The following ATP2C1 variants were observed in gnomAD, a reference collection of about 807,000 sequenced individuals.
ATP2C1 encodes the protein calcium-transporting ATPase type 2C member 1.
Under a neutral mutation model 120.5 loss-of-function variants are expected in ATP2C1, and 31 were observed. That is an observed-to-expected ratio of 0.26 (90% CI 0.19 to 0.35). The LOEUF is 0.35. ATP2C1 is among the 10% of genes least tolerant of loss of function. The pLI is 1.00. For synonymous variants in ATP2C1, 351 were observed against 358.7 expected (o/e 0.98, Z 0.24); for missense variants, 731 against 1,107.5 (o/e 0.66, Z 4.83).
At chr3:130,981,165 TCC>T (rs1576979047) in intron 20 of ATP2C1, among the ~76,000 whole-genome samples, 1 of 152,082 alleles carries the variant, frequency 6.6e-6, no homozygotes, top group Admixed American at 6.6e-5. Context: ...AGTTCCATCA[TCC>T]CCCCAGATTA....
chr3:130,903,691 TC>T (rs1343417851), intron 2 of ATP2C1, among the ~76,000 whole-genome samples: 1 of 113,782 alleles, frequency 8.8e-6, no homozygotes, highest in Non-Finnish European at 1.9e-5. Context: ...CTTTCCCATT[TC>T]CCCTTTCCCC....
rs139387409 is a variant in ATP2C1, at chr3:130,977,146, A to G, written c.1570+1658A>G. ...AGGGAGGCCTTGCTGCCACAAAATTAGGGTTTGGATTGATAAAGCCTGTGT... is the reference window on the plus strand; with the variant it reads ...AGGGAGGCCTTGCTGCCACAAAATTGGGGTTTGGATTGATAAAGCCTGTGT... On this transcript the variant is annotated intron_variant, in intron 18 of 27. Coordinates refer to ENST00000510168, the MANE Select transcript of ATP2C1 (RefSeq NM_001378687.1). Among the ~76,000 whole-genome samples the G allele has an allele frequency of 7.1e-3, 1,079 of 152,236 alleles. 18 individuals carry two copies. The highest frequency in any genetic ancestry group is 0.024 in the African/African-American group (987 of 41,540).
In ATP2C1 at chr3:130,941,584, G is replaced by C. The variant is rs779702947; in HGVS notation, c.423-7G>C. ...TTAACCATGGTTGTTTCTATTTCGTGTTACAGTGTGCGTGAAGGAAAATTG... is the reference window on the plus strand; with the variant it reads ...TTAACCATGGTTGTTTCTATTTCGTCTTACAGTGTGCGTGAAGGAAAATTG... On this transcript the variant is annotated splice_region_variant and splice_polypyrimidine_tract_variant and intron_variant, in intron 7 of 27. Coordinates refer to ENST00000510168, the MANE Select transcript of ATP2C1 (RefSeq NM_001378687.1). The C allele has an allele frequency of 2.5e-6, 4 of 1,607,444 alleles. No individual in the cohort carries two copies. The South Asian group carries it at 4.4e-5, about 18-fold the overall frequency.
chr3:130,917,047 A>G, intron 2 of ATP2C1, among the ~76,000 whole-genome samples: 1 of 152,348 alleles, frequency 6.6e-6, no homozygotes, highest in South Asian at 2.1e-4. Flanking sequence ...AAAGCAGTAG[A>G]CATTCAGTAG....
chr3:130,984,865 T>A (rs1576991923), intron 20 of ATP2C1, among the ~76,000 whole-genome samples: 2 of 152,324 alleles, frequency 1.3e-5, no homozygotes, highest in East Asian at 3.9e-4. Flanking sequence ...ATAAATAACC[T>A]ACATAGTTTT....
At chr3:130,956,943 A>G (rs73869012) in intron 11 of ATP2C1, among the ~76,000 whole-genome samples, 4,666 of 152,080 alleles carry the variant, frequency 0.031, 227 homozygotes, top group African/African-American at 0.1. Flanking sequence ...TAGATTATCA[A>G]TCTTTTTGTT....
intron 22 of ATP2C1, among the ~76,000 whole-genome samples, chr3:130,995,325 G>T (rs2062560774): frequency 6.6e-6 from 1 of 151,890 alleles, no homozygotes; most frequent in African/African-American, 2.4e-5. Context: ...TGAGCTGGAG[G>T]ATTGCTTGAG....
intron 1 of ATP2C1, among the ~76,000 whole-genome samples, chr3:130,875,078 G>A (rs191500625): frequency 1.3e-5 from 2 of 152,190 alleles, no homozygotes; most frequent in African/African-American, 4.8e-5. Context: ...ATCAAGTAAG[G>A]GCAATTAGCA....
rs2062287138 is a variant in ATP2C1 at position 130,990,629 on chromosome 3, A to G, written c.1840-2322A>G. On this transcript the variant is annotated intron_variant, in intron 20 of 27. Coordinates refer to ENST00000510168, the MANE Select transcript of ATP2C1 (RefSeq NM_001378687.1). ...GTTTTGAGAAGAGACACGCGATCTC[A>G]CTTCTGTTTTAACAGTGCCACTCTG... Among the ~76,000 whole-genome samples, 6 of 152,194 alleles carry G rather than the reference A, an allele frequency of 3.9e-5. No individual in the cohort carries two copies. The South Asian group carries it at 1.2e-3, about 32-fold the overall frequency.
intron 27 of ATP2C1, among the ~76,000 whole-genome samples, chr3:130,999,917 C>T (rs1236067776): frequency 1.3e-5 from 2 of 151,974 alleles, no homozygotes; most frequent in East Asian, 3.9e-4. Flanking sequence ...CAAATCAAAA[C>T]CTGCTCTAGA....
chr3:130,954,945 G>A, intron 9 of ATP2C1, 67 bp from the exon 10 acceptor site: 5 of 1,044,822 alleles, frequency 4.8e-6, no homozygotes, highest in Non-Finnish European at 6.0e-6. Context: ...TGTTGGATGT[G>A]TGTGTGTATG....
At chr3:130,966,838 A>G (rs890076372) in intron 14 of ATP2C1, among the ~76,000 whole-genome samples, 3 of 152,168 alleles carry the variant, frequency 2.0e-5, no homozygotes, top group African/African-American at 7.2e-5. Context: ...TATGCTATAT[A>G]AGTGTAATGT....
Position 130,975,498 on chromosome 3 carries a change from T to C in ATP2C1, c.1570+10T>C. 2 of 1,613,286 alleles carry C rather than the reference T, an allele frequency of 1.2e-6. No individual in the cohort carries two copies. The highest frequency in any genetic ancestry group is 1.1e-5 in the South Asian group (1 of 91,044). On this transcript the variant is annotated intron_variant, in intron 18 of 27. Coordinates refer to ENST00000510168, the MANE Select transcript of ATP2C1 (RefSeq NM_001378687.1). ...TCAGCGGGACTCAGAGGTAAGGCTA[T>C]TTCAGCATAGTCCCCTGGGGTGGAA...
intron 8 of ATP2C1, 28 bp from the exon 9 acceptor site, chr3:130,953,792 TG>T: frequency 6.2e-7 from 1 of 1,613,694 alleles, no homozygotes; most frequent in Non-Finnish European, 8.5e-7. Context: ...GCACAAAATT[TG>T]AATCTGGGAT....
At chr3:130,982,585 C>T (rs1428417935) in intron 20 of ATP2C1, among the ~76,000 whole-genome samples, 1 of 152,130 alleles carries the variant, frequency 6.6e-6, no homozygotes, top group Non-Finnish European at 1.5e-5. Context: ...TTTGTATGTC[C>T]TTCAAAATAA....
At chr3:130,908,968 T>C (rs2058265775) in intron 2 of ATP2C1, among the ~76,000 whole-genome samples, 1 of 152,142 alleles carries the variant, frequency 6.6e-6, no homozygotes, top group South Asian at 2.1e-4. Flanking sequence ...AGAGTTGTGA[T>C]TGTGCTAGTT....
At position 130,939,683 on chromosome 3, in the gene ATP2C1, T is replaced by A. The variant is rs545073145; in HGVS notation, c.361-947T>A. Among the ~76,000 whole-genome samples, 4 of 152,316 alleles carry A rather than the reference T, an allele frequency of 2.6e-5. No homozygotes were observed. In the South Asian group the frequency reaches 8.3e-4, roughly 32 times the overall value. On this transcript the variant is annotated intron_variant, in intron 6 of 27. Transcript: ENST00000510168. ...TAATATCCTTCATGTGTTTGGGGTG[T>A]TGTCTTATGATTTTTACATTTGTAG...
intron 26 of ATP2C1, among the ~76,000 whole-genome samples, chr3:131,013,518 T>G (rs2063424425): frequency 6.6e-6 from 1 of 152,212 alleles, no homozygotes; most frequent in Non-Finnish European, 1.5e-5. Context: ...AGCCATTAGT[T>G]TCAACTTCTC....
chr3:130,963,666 G>A (rs2060927426), intron 12 of ATP2C1: 1 of 368,776 alleles, frequency 2.7e-6, no homozygotes, highest in African/African-American at 2.1e-5. Flanking sequence ...TATAGATGAG[G>A]ACAGTAAACT....
Sources: gnomAD v4.1 joint callset for allele counts (sites outside exome capture counted in the v4.1 genomes callset) on GRCh38, gnomAD v4.1.1 for gene constraint, MANE v1.5 for transcripts, NCBI Gene and HGNC (gene_info 2026-07-23, HGNC 2026-07-21) for gene names.